The following GUCY1A2 variants were observed in gnomAD, a reference collection of about 807,000 sequenced individuals.
The protein encoded by GUCY1A2 is guanylate cyclase soluble subunit alpha-2.
GUCY1A2 carries 27 observed loss-of-function variants against 63.5 expected under a neutral mutation model. The ratio of observed to expected loss-of-function variants is 0.43; its 90% CI spans 0.31 to 0.59. GUCY1A2 has a LOEUF of 0.59. Ranked by LOEUF, GUCY1A2 falls within the 20% of genes least tolerant of loss-of-function variation. The pLI, the probability that GUCY1A2 is intolerant of heterozygous loss-of-function variation, is 0.11. For synonymous variants in GUCY1A2, 364 were observed against 343.5 expected, an observed-to-expected ratio of 1.06 and a Z score of -0.66; for missense variants, 768 against 913.3, an observed-to-expected ratio of 0.84 and a Z score of 2.05.
chr11:106,750,001 G>T (rs113506680), intron 6 of GUCY1A2, among the ~76,000 whole-genome samples: 6 of 152,234 alleles, frequency 3.9e-5, no homozygotes, highest in African/African-American at 1.4e-4. Flanking sequence ...ACAAGGTGAA[G>T]TCCCATGATA....
rs547321194 is a variant in GUCY1A2, at chr11:106,707,004, A to ATGAT, written c.1991+1504_1991+1507dup. ...ATAGCATATAGTTCTTAGATAAGTA[A>ATGAT]TGATTAGATAGAATCCTGAAACTTT... On this transcript the variant is annotated intron_variant, in intron 7 of 7. Transcript: ENST00000526355. Among the ~76,000 whole-genome samples, 19 of 152,244 alleles carry ATGAT rather than the reference A, an allele frequency of 1.2e-4. No homozygotes were observed. The South Asian group carries it at 3.9e-3, about 32-fold the overall frequency.
chr11:106,746,316 T>G (rs1210221710), intron 6 of GUCY1A2, among the ~76,000 whole-genome samples: 2 of 152,230 alleles, frequency 1.3e-5, no homozygotes, highest in Non-Finnish European at 2.9e-5. Context: ...GTGAAGAATG[T>G]GAGACATACT....
chr11:106,872,833 C>A (rs1859698896), intron 4 of GUCY1A2, among the ~76,000 whole-genome samples: 1 of 152,100 alleles, frequency 6.6e-6, no homozygotes, highest in Admixed American at 6.6e-5. Flanking sequence ...TACACATGTG[C>A]AGAACGTGCA....
At chr11:106,958,589 A>G (rs187492522) in intron 3 of GUCY1A2, among the ~76,000 whole-genome samples, 1 of 143,288 alleles carries the variant, frequency 7.0e-6, no homozygotes, top group Admixed American at 7.4e-5. Flanking sequence ...CATTAAAGGC[A>G]GCTTTAAAGA....
At chr11:106,827,348 T>C (rs1171017564) in intron 4 of GUCY1A2, 1 of 1,561,050 alleles carries the variant, frequency 6.4e-7, no homozygotes, top group African/African-American at 1.4e-5. Flanking sequence ...TCGAAGAAAG[T>C]ATTCCCTATA....
chr11:106,754,424 G>C (rs1048597055), intron 6 of GUCY1A2, among the ~76,000 whole-genome samples: 21 of 152,136 alleles, frequency 1.4e-4, no homozygotes, highest in African/African-American at 5.1e-4. Flanking sequence ...GGGCATCCCT[G>C]TCTTGTGCCA....
chr11:106,767,149 T>C (rs537750538), intron 6 of GUCY1A2, among the ~76,000 whole-genome samples: 38 of 152,202 alleles, frequency 2.5e-4, no homozygotes, highest in African/African-American at 8.7e-4. Flanking sequence ...ATAAAATACA[T>C]GAAATAGATT....
intron 6 of GUCY1A2, among the ~76,000 whole-genome samples, chr11:106,765,439 T>A (rs1253066857): frequency 6.6e-5 from 10 of 152,168 alleles, no homozygotes; most frequent in Non-Finnish European, 1.5e-4. Flanking sequence ...TTCCATAGGC[T>A]GTAATTCGTG....
At chr11:106,986,158 C>T (rs749178773) in intron 1 of GUCY1A2, 27 bp from the exon 2 acceptor site, 110 of 1,160,790 alleles carry the variant, frequency 9.5e-5, no homozygotes, top group Non-Finnish European at 1.3e-4. Context: ...ATAATAAAAA[C>T]ATATTATCAG....
chr11:106,809,466 T>C (rs913741274), intron 5 of GUCY1A2, among the ~76,000 whole-genome samples: 28 of 152,120 alleles, frequency 1.8e-4, no homozygotes, highest in African/African-American at 6.8e-4. Context: ...TTAAGGTACT[T>C]CCTCAAAAAC....
chr11:107,003,552 C>T (rs548527283), intron 1 of GUCY1A2, among the ~76,000 whole-genome samples: 1 of 152,264 alleles, frequency 6.6e-6, no homozygotes, highest in Admixed American at 6.5e-5. Context: ...AGCCAGATTC[C>T]AATCCCATAT....
chr11:106,950,941 A>G (rs1488143385), intron 3 of GUCY1A2, among the ~76,000 whole-genome samples: 1 of 151,928 alleles, frequency 6.6e-6, no homozygotes, highest in African/African-American at 2.4e-5. Flanking sequence ...CCTCTCTGTG[A>G]CCATGTGTTC....
intron 4 of GUCY1A2, among the ~76,000 whole-genome samples, chr11:106,901,488 TTTC>T (rs370497878): frequency 8.0e-4 from 122 of 152,282 alleles, no homozygotes; most frequent in African/African-American, 2.8e-3. Context: ...TCCAGAAGGT[TTTC>T]TTATTTATTT....
At chr11:106,775,426 T>G (rs1342019375) in intron 6 of GUCY1A2, among the ~76,000 whole-genome samples, 1 of 151,674 alleles carries the variant, frequency 6.6e-6, no homozygotes, top group Admixed American at 6.6e-5. Flanking sequence ...TTTCCCAGTT[T>G]CCTTCTATCA....
chr11:106,794,759 G>C (rs1410968554), intron 5 of GUCY1A2, among the ~76,000 whole-genome samples: 1 of 151,950 alleles, frequency 6.6e-6, no homozygotes, highest in African/African-American at 2.4e-5. Context: ...GCCTAGATTA[G>C]CACTTAAACA....
intron 4 of GUCY1A2, among the ~76,000 whole-genome samples, chr11:106,878,358 T>G (rs149435072): frequency 2.0e-5 from 3 of 151,920 alleles, no homozygotes; most frequent in Non-Finnish European, 2.9e-5. Context: ...CTATTCATAG[T>G]AGCAAATAGA....
At chr11:106,873,833 C>T (rs1465262933) in intron 4 of GUCY1A2, among the ~76,000 whole-genome samples, 2 of 151,868 alleles carry the variant, frequency 1.3e-5, no homozygotes, top group Admixed American at 6.6e-5. Flanking sequence ...TTTCTTAATA[C>T]GTTCTTCACC....
At chr11:106,956,396 A>C (rs1296472261) in intron 3 of GUCY1A2, among the ~76,000 whole-genome samples, 1 of 151,642 alleles carries the variant, frequency 6.6e-6, no homozygotes, top group Non-Finnish European at 1.5e-5. Context: ...ATTCTTTCTT[A>C]CCTTCCTCAA....
chr11:106,708,798 G>A, intron 6 of GUCY1A2, 132 bp from the exon 7 acceptor site: 1 of 512,706 alleles, frequency 2.0e-6, no homozygotes, highest in East Asian at 3.4e-5. Flanking sequence ...GACAGGAACT[G>A]AGTCCTGGTC....
Sources: gnomAD v4.1 joint callset for allele counts (sites outside exome capture counted in the v4.1 genomes callset) on GRCh38, gnomAD v4.1.1 for gene constraint, MANE v1.5 for transcripts, NCBI Gene and HGNC (gene_info 2026-07-23, HGNC 2026-07-21) for gene names.